The following ENTREP1 variants were observed in gnomAD, a reference collection of about 807,000 sequenced individuals.
ENTREP1 encodes the protein endosomal transmembrane epsin interactor 1, also known as Friedreich ataxia region gene X123.
chr9:69,379,622 T>C, the ENTREP1 span: 1 of 152,198 alleles, frequency 6.6e-6, no homozygotes, highest in Non-Finnish European at 1.5e-5. Flanking sequence ...CTTAGCGCCG[T>C]CTCAGGCTGT....
the ENTREP1 span, among the ~76,000 whole-genome samples, chr9:69,367,349 G>A: frequency 6.0e-5 from 9 of 150,872 alleles, no homozygotes; most frequent in Non-Finnish European, 1.3e-4. Context: ...GCATTTTTTT[G>A]GTTTCATATG....
chr9:69,337,861 A>G, the ENTREP1 span, among the ~76,000 whole-genome samples: 3 of 152,174 alleles, frequency 2.0e-5, no homozygotes, highest in African/African-American at 7.2e-5. Flanking sequence ...ATAATTTTCT[A>G]AAGTCATTTT....
chr9:69,364,655 T>G, the ENTREP1 span, among the ~76,000 whole-genome samples: 2 of 152,132 alleles, frequency 1.3e-5, no homozygotes, highest in Non-Finnish European at 2.9e-5. Flanking sequence ...ACTCCAATAT[T>G]TTGTATCCTG....
the ENTREP1 span, among the ~76,000 whole-genome samples, chr9:69,345,712 C>T: frequency 4.6e-5 from 7 of 152,346 alleles, no homozygotes; most frequent in South Asian, 2.1e-4. Flanking sequence ...AAGGGATTCT[C>T]GTGCCTCAGC....
At chr9:69,329,784 T>TAGATTCCACTGGGGTATGGGAGTTAACG in the ENTREP1 span, 2 of 887,190 alleles carry the variant, frequency 2.3e-6, no homozygotes, top group African/African-American at 3.6e-5. Flanking sequence ...TAGTGTTAAC[T>TAGATTCCACTGGGGTATGGGAGTTAACG]AGATTCCACT....
the ENTREP1 span, chr9:69,377,451 A>T: frequency 8.7e-6 from 14 of 1,613,776 alleles, no homozygotes; most frequent in Non-Finnish European, 1.2e-5. Context: ...CTACCTCCAG[A>T]TATTCGCAAC....
chr9:69,361,353 T>G, the ENTREP1 span, among the ~76,000 whole-genome samples: 1 of 152,170 alleles, frequency 6.6e-6, no homozygotes, highest in Non-Finnish European at 1.5e-5. Context: ...TTTTTATGTG[T>G]TCTAGAACTC....
chr9:69,383,953 T>C, the ENTREP1 span: 1 of 1,613,744 alleles, frequency 6.2e-7, no homozygotes, highest in Non-Finnish European at 8.5e-7. Context: ...GCAGGGATCT[T>C]CATTCCAAAT....
the ENTREP1 span, among the ~76,000 whole-genome samples, chr9:69,363,749 C>T: frequency 1.3e-5 from 2 of 152,132 alleles, no homozygotes; most frequent in African/African-American, 4.8e-5. Context: ...GTCAGGGGTC[C>T]CTGTTGGTTG....
At chr9:69,391,423 A>G in the ENTREP1 span, among the ~76,000 whole-genome samples, 1 of 152,278 alleles carries the variant, frequency 6.6e-6, no homozygotes, top group African/African-American at 2.4e-5. Flanking sequence ...GAACATTTGG[A>G]GGATTTACAA....
chr9:69,385,180 C>T, the ENTREP1 span, among the ~76,000 whole-genome samples: 4 of 152,292 alleles, frequency 2.6e-5, no homozygotes, highest in African/African-American at 9.6e-5. Context: ...CTCAGCCTCC[C>T]AAAGTGCTGG....
At chr9:69,343,347 A>G in the ENTREP1 span, among the ~76,000 whole-genome samples, 1 of 152,210 alleles carries the variant, frequency 6.6e-6, no homozygotes, top group Non-Finnish European at 1.5e-5. Context: ...TAAGTTTATA[A>G]GACCCACTTC....
At chr9:69,371,265 G>A in the ENTREP1 span, 505 of 541,658 alleles carry the variant, frequency 9.3e-4, 7 homozygotes, top group South Asian at 0.01. Context: ...TTTTCAAAGA[G>A]AGAAAAATAA....
the ENTREP1 span, chr9:69,371,555 T>A: frequency 3.6e-5 from 58 of 1,613,880 alleles, no homozygotes; most frequent in Non-Finnish European, 4.8e-5. Context: ...TAGCTGGATT[T>A]ATCCTAGGCT....
chr9:69,336,278 T>C, the ENTREP1 span: 1 of 1,560,102 alleles, frequency 6.4e-7, no homozygotes, highest in Non-Finnish European at 8.8e-7. Context: ...TGGTATGTAC[T>C]GATCTTATAA....
At chr9:69,383,659 C>T in the ENTREP1 span, 2 of 1,614,092 alleles carry the variant, frequency 1.2e-6, no homozygotes. Context: ...ATTCCCCTGC[C>T]ACACATCTAC....
chr9:69,336,880 A>G, the ENTREP1 span, among the ~76,000 whole-genome samples: 1 of 151,544 alleles, frequency 6.6e-6, no homozygotes, highest in East Asian at 2.0e-4. Flanking sequence ...TTGTATTTTT[A>G]GTAGAGACGG....
chr9:69,371,742 A>C, the ENTREP1 span: 1 of 655,286 alleles, frequency 1.5e-6, no homozygotes, highest in Non-Finnish European at 2.7e-6. Flanking sequence ...GGGAAGTGGG[A>C]AAACAAAACA....
chr9:69,367,672 C>CATATATATAAATATATATATAAACACAT, the ENTREP1 span, among the ~76,000 whole-genome samples: 1 of 113,666 alleles, frequency 8.8e-6, no homozygotes, highest in Non-Finnish European at 1.8e-5. Context: ...TATATACACA[C>CATATATATAAATATATATATAAACACAT]ATATATAAAT....
Sources: gnomAD v4.1 joint callset for allele counts (sites outside exome capture counted in the v4.1 genomes callset) on GRCh38, gnomAD v4.1.1 for gene constraint, MANE v1.5 for transcripts, NCBI Gene and HGNC (gene_info 2026-07-23, HGNC 2026-07-21) for gene names.